Variants in TSPAN7 observed in about 807,000 individuals in gnomAD.
TSPAN7 encodes the protein tetraspanin-7.
TSPAN7 carries 1 observed loss-of-function variant against 17.6 expected under a neutral mutation model. That is an observed-to-expected ratio of 0.06 (90% CI 0.02 to 0.27). The LOEUF is 0.27. Ranked by LOEUF, TSPAN7 falls within the 10% of genes least tolerant of loss-of-function variation. The probability of loss-of-function intolerance (pLI) is 1.00; values close to 1 mark genes in which losing one functional copy is unlikely to be tolerated. For missense variants in TSPAN7, 112 were observed against 201.7 expected (o/e 0.56, Z 2.69); for synonymous variants, 78 against 79.0 (o/e 0.99, Z 0.07).
chrX:38,579,351 G>A (rs951697005), intron 1 of TSPAN7, among the ~76,000 whole-genome samples: 2 of 109,763 alleles, frequency 1.8e-5, no homozygotes, highest in Non-Finnish European at 1.9e-5. Flanking sequence ...AGGCTGAGGC[G>A]GGCAGATCAC....
intron 1 of TSPAN7, among the ~76,000 whole-genome samples, chrX:38,616,867 G>A (rs751503478): frequency 4.9e-4 from 55 of 111,991 alleles, no homozygotes; most frequent in Admixed American, 1.5e-3. Flanking sequence ...CTCAGTGTCA[G>A]TATTTTCACT....
At chrX:38,685,186 ATTC>A (rs1339882435) in intron 6 of TSPAN7, among the ~76,000 whole-genome samples, 3 of 111,724 alleles carry the variant, frequency 2.7e-5, no homozygotes, top group African/African-American at 9.8e-5. Context: ...AGCTGGGGCT[ATTC>A]TTAGATAGGA....
intron 1 of TSPAN7, among the ~76,000 whole-genome samples, chrX:38,623,771 C>T (rs185634709): frequency 3.4e-4 from 37 of 108,756 alleles, no homozygotes; most frequent in Non-Finnish European, 6.7e-4. Flanking sequence ...TCAATGTGTC[C>T]CCAAACTGAA....
Position 38,668,887 on chromosome X carries a change from A to G in TSPAN7, c.271-2489A>G, listed in dbSNP as rs564118955. Among the ~76,000 whole-genome samples, 66 of 111,500 alleles carry G rather than the reference A, an allele frequency of 5.9e-4. No homozygotes were observed. In the South Asian group the frequency reaches 0.025, roughly 41 times the overall value. Reference sequence around the variant, plus strand: ...AGTGGTTGTACTAATTTACATTCCAATCAGCAGTGTATAAGAGTTCTCCCT... The same window carrying G: ...AGTGGTTGTACTAATTTACATTCCAGTCAGCAGTGTATAAGAGTTCTCCCT... On this transcript the variant is annotated intron_variant, in intron 2 of 7. Transcript: ENST00000378482.
At chrX:38,639,834 T>A (rs1002352702) in intron 1 of TSPAN7, among the ~76,000 whole-genome samples, 1 of 110,240 alleles carries the variant, frequency 9.1e-6, no homozygotes, top group Non-Finnish European at 1.9e-5. Flanking sequence ...GGGATGAGAG[T>A]ATTTTTTTTC....
In TSPAN7 at chrX:38,670,539, C is replaced by T. The variant is rs190698404; in HGVS notation, c.271-837C>T. The stretch of plus-strand genomic sequence containing the variant: ...AGGCTTTAAACTCCACGCAGCATCC[C>T]GAACAAGAAAGGCAGGCAACTCCAC... On this transcript the variant is annotated intron_variant, in intron 2 of 7. Coordinates refer to ENST00000378482, the MANE Select transcript of TSPAN7 (RefSeq NM_004615.4). Among the ~76,000 whole-genome samples, 12 of 112,380 alleles carry T rather than the reference C, an allele frequency of 1.1e-4. No individual in the cohort carries two copies. In the East Asian group the frequency reaches 1.4e-3, roughly 13 times the overall value.
At chrX:38,678,355 T>G (rs1388063555) in intron 5 of TSPAN7, among the ~76,000 whole-genome samples, 2 of 112,294 alleles carry the variant, frequency 1.8e-5, no homozygotes, top group Non-Finnish European at 3.8e-5. Flanking sequence ...GCAGATGTTT[T>G]CCATTGGTGA....
At chrX:38,615,437 T>C (rs2069450141) in intron 1 of TSPAN7, among the ~76,000 whole-genome samples, 1 of 111,990 alleles carries the variant, frequency 8.9e-6, no homozygotes, top group Admixed American at 9.5e-5. Flanking sequence ...AGCCAAATTA[T>C]TTTTAGTTTA....
chrX:38,668,175 T>A (rs762850053), intron 2 of TSPAN7, among the ~76,000 whole-genome samples: 52 of 112,290 alleles, frequency 4.6e-4, no homozygotes, highest in African/African-American at 1.5e-3. Context: ...TCCTTGGACC[T>A]TTGTCTCCAA....
At chrX:38,577,581 G>T (rs760845115) in intron 1 of TSPAN7, among the ~76,000 whole-genome samples, 3 of 99,491 alleles carry the variant, frequency 3.0e-5, no homozygotes, top group Non-Finnish European at 4.0e-5. Context: ...ACCAAACACC[G>T]CATGCTCTCA....
rs776845299 is a variant in TSPAN7, at chrX:38,679,751, GA to G, written c.598-1444del. On this transcript the variant is annotated intron_variant, in intron 5 of 7. Coordinates refer to ENST00000378482, the MANE Select transcript of TSPAN7 (RefSeq NM_004615.4). ...AAAAAGAGAAAAGAAAAGAAAAAAT[GA>G]AAAAAAAATGTGTGATATATAGTCT... Among the ~76,000 whole-genome samples the G allele has an allele frequency of 4.2e-4, 45 of 107,786 alleles. No homozygotes were observed. In the East Asian group the frequency reaches 0.012, roughly 28 times the overall value. 93.6% of individuals were successfully genotyped at this position (107,786 alleles called of 115,157 possible). A position where few individuals can be genotyped will look rare whatever the true frequency, so the allele number is the denominator to read the frequency against.
At chrX:38,566,287 C>T in intron 1 of TSPAN7, 1 of 920,473 alleles carries the variant, frequency 1.1e-6, no homozygotes, top group South Asian at 2.2e-5. Context: ...TAAACTGATC[C>T]TTCATTTCTC....
intron 6 of TSPAN7, among the ~76,000 whole-genome samples, chrX:38,684,178 A>C (rs2069911238): frequency 8.9e-6 from 1 of 112,230 alleles, no homozygotes; most frequent in Admixed American, 9.4e-5. Context: ...GTATTAGGAA[A>C]ACTAAGCTGG....
intron 1 of TSPAN7, among the ~76,000 whole-genome samples, chrX:38,665,742 AG>A (rs771816032): frequency 2.7e-3 from 300 of 111,974 alleles, no homozygotes; most frequent in African/African-American, 9.5e-3. Context: ...GCCATCAAAG[AG>A]GGCAGCTGTC....
chrX:38,580,625 A>G, intron 1 of TSPAN7, among the ~76,000 whole-genome samples: 1 of 112,243 alleles, frequency 8.9e-6, no homozygotes, highest in Non-Finnish European at 1.9e-5. Context: ...ACTACAATTA[A>G]TAGCTACTAC....
intron 1 of TSPAN7, among the ~76,000 whole-genome samples, chrX:38,569,983 G>A (rs749336734): frequency 8.9e-6 from 1 of 112,136 alleles, no homozygotes; most frequent in South Asian, 3.7e-4. Context: ...TTCAAGGGAA[G>A]TGTTCTAAGT....
At chrX:38,588,004 A>G (rs1048886364) in intron 1 of TSPAN7, among the ~76,000 whole-genome samples, 71 of 111,926 alleles carry the variant, frequency 6.3e-4, no homozygotes, top group Non-Finnish European at 1.1e-3. Flanking sequence ...CCATTGCTGA[A>G]CCACCTTCTT....
chrX:38,584,735 G>C (rs2069248675), intron 1 of TSPAN7, among the ~76,000 whole-genome samples: 1 of 111,733 alleles, frequency 8.9e-6, no homozygotes, highest in Non-Finnish European at 1.9e-5. Flanking sequence ...AATCTCCCAG[G>C]TTAAGAAAGA....
chrX:38,602,364 C>T (rs1016673553), intron 1 of TSPAN7, among the ~76,000 whole-genome samples: 3 of 111,148 alleles, frequency 2.7e-5, no homozygotes, highest in African/African-American at 9.8e-5. Context: ...ATAGACTAGT[C>T]TCCATAAAAA....
Sources: gnomAD v4.1 joint callset for allele counts (sites outside exome capture counted in the v4.1 genomes callset) on GRCh38, gnomAD v4.1.1 for gene constraint, MANE v1.5 for transcripts, NCBI Gene and HGNC (gene_info 2026-07-23, HGNC 2026-07-21) for gene names.